The following MACROD2 variants were observed in gnomAD, a reference collection of about 807,000 sequenced individuals.
The protein encoded by MACROD2 is ADP-ribose glycohydrolase MACROD2.
A neutral mutation model predicts 70.4 loss-of-function variants in MACROD2; 36 were observed. The observed-to-expected ratio is 0.51, with a 90% CI of 0.39 to 0.68. MACROD2 has a LOEUF of 0.68. Ranked by LOEUF, MACROD2 falls within the 30% of genes least tolerant of loss-of-function variation. The pLI is 0.00. For synonymous variants in MACROD2, 172 were observed against 178.8 expected (o/e 0.96, Z 0.30); for missense variants, 496 against 538.4 (o/e 0.92, Z 0.78).
At chr20:15,490,957 A>T (rs1198134116) in intron 7 of MACROD2, among the ~76,000 whole-genome samples, 1 of 152,222 alleles carries the variant, frequency 6.6e-6, no homozygotes, top group Non-Finnish European at 1.5e-5. Flanking sequence ...GTCCAATTAC[A>T]TTGCTGTCCA....
chr20:14,558,240 C>T (rs571438867), intron 4 of MACROD2, among the ~76,000 whole-genome samples: 8 of 151,620 alleles, frequency 5.3e-5, no homozygotes, highest in East Asian at 1.9e-4. Context: ...GTTTCTTTGG[C>T]GGATGAAGAA....
chr20:15,032,138 G>A (rs917134294), intron 5 of MACROD2, among the ~76,000 whole-genome samples: 2 of 152,232 alleles, frequency 1.3e-5, no homozygotes, highest in Non-Finnish European at 2.9e-5. Flanking sequence ...GGCACTGGGA[G>A]TGAGGAGAGG....
At chr20:15,518,185 C>G (rs1003520362) in intron 8 of MACROD2, among the ~76,000 whole-genome samples, 3 of 152,206 alleles carry the variant, frequency 2.0e-5, no homozygotes, top group Non-Finnish European at 4.4e-5. Flanking sequence ...ATGTCTGAAT[C>G]TGACATTTAA....
chr20:15,459,153 G>C (rs564448218), intron 7 of MACROD2, among the ~76,000 whole-genome samples: 2 of 152,118 alleles, frequency 1.3e-5, no homozygotes, highest in Non-Finnish European at 2.9e-5. Flanking sequence ...AATATTTAAA[G>C]CTGGGAAATT....
chr20:15,580,371 A>C (rs1354882298), intron 8 of MACROD2, among the ~76,000 whole-genome samples: 3 of 151,236 alleles, frequency 2.0e-5, no homozygotes, highest in Non-Finnish European at 4.4e-5. Flanking sequence ...CCACTCCCAC[A>C]CTCCATCTCC....
At chr20:14,771,913 G>A (rs1246852321) in intron 5 of MACROD2, among the ~76,000 whole-genome samples, 2 of 151,764 alleles carry the variant, frequency 1.3e-5, no homozygotes, top group Non-Finnish European at 1.5e-5. Context: ...GTTTTCAAAG[G>A]TCCAATTCAT....
At chr20:15,197,129 C>T (rs1248371114) in intron 5 of MACROD2, 4 of 502,982 alleles carry the variant, frequency 8.0e-6, no homozygotes, top group African/African-American at 2.1e-5. Flanking sequence ...CCCTGTTCCC[C>T]ATATATGAGT....
intron 2 of MACROD2, among the ~76,000 whole-genome samples, chr20:14,075,802 A>G (rs2053909341): frequency 6.6e-6 from 1 of 152,130 alleles, no homozygotes; most frequent in Non-Finnish European, 1.5e-5. Context: ...AGGATCCCCA[A>G]AAGCAACCAC....
At chr20:14,084,008 G>A (rs937963675) in intron 2 of MACROD2, among the ~76,000 whole-genome samples, 1 of 131,200 alleles carries the variant, frequency 7.6e-6, no homozygotes, top group Non-Finnish European at 1.6e-5. Context: ...CTTGCAGTGA[G>A]CCGAGATCGC....
intron 5 of MACROD2, among the ~76,000 whole-genome samples, chr20:15,185,808 T>C (rs2076530977): frequency 6.6e-6 from 1 of 152,192 alleles, no homozygotes; most frequent in Non-Finnish European, 1.5e-5. Flanking sequence ...ATAAGTCTTA[T>C]TCTAACAGCA....
chr20:14,049,175 A>T lies in MACROD2; in HGVS notation c.164-36446A>T, dbSNP rs560200001. Among the ~76,000 whole-genome samples the T allele has an allele frequency of 2.8e-4, 14 of 50,876 alleles. No individual in the cohort carries two copies. The South Asian group carries it at 0.011, about 41-fold the overall frequency. 33.4% of individuals were successfully genotyped at this position (50,876 alleles called of 152,430 possible). On this transcript the variant is annotated intron_variant, in intron 2 of 17. Coordinates refer to ENST00000684519, the MANE Select transcript of MACROD2 (RefSeq NM_001351661.2). The stretch of plus-strand genomic sequence containing the variant: ...TGACAGAACTAAAAATATATTTAAT[A>T]AAAAAAAAAAAAAACAAAAAAACAA...
chr20:14,499,311 A>G (rs2123118551), intron 4 of MACROD2, among the ~76,000 whole-genome samples: 1 of 152,240 alleles, frequency 6.6e-6, no homozygotes, highest in African/African-American at 2.4e-5. Context: ...TAGGAGGATT[A>G]TTTGAGACCA....
chr20:15,869,238 T>TATAGAGAGAGAGAG lies in MACROD2; in HGVS notation c.727+6413_727+6414insTAGAGAGAGAGAGA. 2.7e-3 allele frequency among the ~76,000 whole-genome samples: 76 copies of TATAGAGAGAGAGAG among 28,298 alleles called. 1 individual carries two copies. The highest frequency in any genetic ancestry group is 5.4e-3 in the South Asian group (1 of 184). 18.6% of individuals were successfully genotyped at this position (28,298 alleles called of 152,430 possible). On this transcript the variant is annotated intron_variant, in intron 9 of 17. Transcript: ENST00000684519. ...ATATATATATATATATATATATATA[T>TATAGAGAGAGAGAG]AGAGAGAGAGAGAGAGAGAGAGAGA...
chr20:15,708,738 A>G (rs1423782299), intron 8 of MACROD2, among the ~76,000 whole-genome samples: 2 of 129,540 alleles, frequency 1.5e-5, no homozygotes, highest in African/African-American at 5.0e-5. Context: ...TTAGCTGGGC[A>G]TGGTAGACTG....
intron 3 of MACROD2, among the ~76,000 whole-genome samples, chr20:14,297,793 A>G (rs972916975): frequency 6.6e-6 from 1 of 151,962 alleles, no homozygotes; most frequent in Non-Finnish European, 1.5e-5. Context: ...ACAGGTTTTC[A>G]GTGAAGATGA....
chr20:14,327,381 A>T (rs2082753725), intron 3 of MACROD2: 11 of 1,613,574 alleles, frequency 6.8e-6, no homozygotes, highest in Non-Finnish European at 9.3e-6. Context: ...CATTACAGTA[A>T]ATGAAACCCG....
At chr20:14,231,219 T>C (rs2081809090) in intron 3 of MACROD2, among the ~76,000 whole-genome samples, 1 of 151,948 alleles carries the variant, frequency 6.6e-6, no homozygotes, top group Non-Finnish European at 1.5e-5. Flanking sequence ...ACATGTGCCA[T>C]GTTGGTGTGC....
intron 3 of MACROD2, among the ~76,000 whole-genome samples, chr20:14,334,054 C>T (rs370263202): frequency 6.6e-6 from 1 of 152,190 alleles, no homozygotes; most frequent in Non-Finnish European, 1.5e-5. Flanking sequence ...GCTTTTTATA[C>T]ATCCCTGACA....
intron 3 of MACROD2, among the ~76,000 whole-genome samples, chr20:14,413,527 T>C (rs923598073): frequency 6.6e-6 from 1 of 152,140 alleles, no homozygotes; most frequent in African/African-American, 2.4e-5. Context: ...TTTTTTGTTG[T>C]AATGTTACTC....
Sources: allele counts gnomAD v4.1 joint callset (sites outside exome capture counted in the v4.1 genomes callset), GRCh38; gene constraint gnomAD v4.1.1; transcripts MANE v1.5; gene names NCBI Gene and HGNC (gene_info 2026-07-23, HGNC 2026-07-21).